CMKLR2: variants seen among roughly 807,000 people sequenced by gnomAD.
The protein encoded by CMKLR2 is chemerin-like receptor 2.
In CMKLR2, 18 loss-of-function variants were observed where a neutral mutation model predicts 23.0. The ratio of observed to expected loss-of-function variants is 0.78; its 90% CI spans 0.54 to 1.16. The LOEUF (loss-of-function observed/expected upper bound fraction) is 1.16. Ranked by LOEUF, CMKLR2 falls within the 50% of genes most tolerant of loss-of-function variation. The pLI is 0.00. For synonymous variants in CMKLR2, 158 were observed against 158.9 expected (o/e 0.99, Z 0.05); for missense variants, 401 against 412.7 (o/e 0.97, Z 0.25).
chr2:206,215,027 TTTTG>T, upstream of CMKLR2, among the ~76,000 whole-genome samples: 1 of 152,174 alleles, frequency 6.6e-6, no homozygotes, highest in South Asian at 2.1e-4. Flanking sequence ...AAGCACAGGA[TTTTG>T]TTTTTTTCCG....
upstream of CMKLR2, among the ~76,000 whole-genome samples, chr2:206,215,587 CAT>C (rs1234515300): frequency 2.0e-5 from 3 of 152,176 alleles, no homozygotes; most frequent in African/African-American, 7.2e-5. Flanking sequence ...ACAATTAAAA[CAT>C]ATGCTTGCTT....
chr2:206,176,313 T>A lies in CMKLR2; in HGVS notation c.935A>T (p.Gln312Leu). 5 of 1,614,144 alleles carry A rather than the reference T, an allele frequency of 3.1e-6. No homozygotes were observed. The highest frequency in any genetic ancestry group is 4.2e-6 in the Non-Finnish European group (5 of 1,180,014). The part of the protein sequence containing the change: ...ILYVLISKKF[Q>L]ARFRSSVAEI... ...AGCAACTGAGGACCGGAAGCGAGCT[T>A]GGAACTTCTTACTAATTAGGACATA... is the stretch of plus-strand genomic sequence containing the variant. The change falls in exon 2 of 2, where the codon CAA (glutamine) becomes CTA (leucine). Residue 312 changes from glutamine (Q) to leucine (L), a missense_variant. By Grantham distance (113) the Gln-to-Leu change is moderately radical. Transcript: ENST00000621141.
Position 206,184,137 on chromosome 2 carries a change from G to T in CMKLR2, c.-28-6862C>A, listed in dbSNP as rs13401393. On this transcript the variant is annotated intron_variant, in intron 1 of 1. Coordinates refer to ENST00000621141, the MANE Select transcript of CMKLR2 (RefSeq NM_001389445.1). The stretch of plus-strand genomic sequence containing the variant: ...CTTCCTTGGCTTGTACATGTGTTAC[G>T]CTGATCTCTGCCTACATCTTCACAT... Among the ~76,000 whole-genome samples, 945 of 152,162 alleles carry T rather than the reference G, an allele frequency of 6.2e-3. 9 individuals are homozygous for T. The highest frequency in any genetic ancestry group is 0.022 in the African/African-American group (912 of 41,514).
intron 1 of CMKLR2, among the ~76,000 whole-genome samples, chr2:206,210,272 G>A (rs1162992038): frequency 6.6e-6 from 1 of 152,038 alleles, no homozygotes; most frequent in Non-Finnish European, 1.5e-5. Flanking sequence ...TCCTGTATTA[G>A]TCTGCTGAGG....
chr2:206,195,849 G>A (rs1357619959), intron 1 of CMKLR2, among the ~76,000 whole-genome samples: 1 of 152,142 alleles, frequency 6.6e-6, no homozygotes, highest in African/African-American at 2.4e-5. Context: ...AGCTACTCGG[G>A]AGGCTGAGGC....
intron 1 of CMKLR2, among the ~76,000 whole-genome samples, chr2:206,187,967 G>C (rs963548058): frequency 6.6e-6 from 1 of 151,984 alleles, no homozygotes. Context: ...GCGCAATCTT[G>C]GGTCACTGCA....
At chr2:206,183,101 C>A (rs867753701) in intron 1 of CMKLR2, among the ~76,000 whole-genome samples, 7 of 152,152 alleles carry the variant, frequency 4.6e-5, no homozygotes, top group Non-Finnish European at 2.9e-5. Flanking sequence ...GTGTCAGATC[C>A]TTCCCAGCTT....
rs575213579 is a variant in CMKLR2, at chr2:206,195,283, G to C, written c.-28-18008C>G. On this transcript the variant is annotated intron_variant, in intron 1 of 1. Coordinates refer to ENST00000621141, the MANE Select transcript of CMKLR2 (RefSeq NM_001389445.1). Reference sequence around the variant, plus strand: ...GAATGCTTAAGGAACCAGTGAGAAAGGAGGACTTAAGGAGTTTCATGACTA... The same window carrying C: ...GAATGCTTAAGGAACCAGTGAGAAACGAGGACTTAAGGAGTTTCATGACTA... 2.0e-5 allele frequency among the ~76,000 whole-genome samples: 3 copies of C among 152,298 alleles called. No homozygotes were observed. The East Asian group carries it at 5.8e-4, about 29-fold the overall frequency.
chr2:206,177,311 TA>T (rs1688265744), intron 1 of CMKLR2, 36 bp from the exon 2 acceptor site: 33 of 1,032,600 alleles, frequency 3.2e-5, no homozygotes, highest in Non-Finnish European at 4.4e-5. Context: ...GAAAAAATTT[TA>T]AAAGAAAAAT....
intron 1 of CMKLR2, among the ~76,000 whole-genome samples, chr2:206,206,385 T>C (rs1689317302): frequency 6.6e-6 from 1 of 152,234 alleles, no homozygotes; most frequent in Non-Finnish European, 1.5e-5. Context: ...AGCTGGGTGA[T>C]AGAACAAATA....
At chr2:206,202,018 C>T (rs1289030867) in intron 1 of CMKLR2, among the ~76,000 whole-genome samples, 2 of 152,034 alleles carry the variant, frequency 1.3e-5, no homozygotes, top group African/African-American at 4.8e-5. Flanking sequence ...GGCAGAATTT[C>T]CTAAAGATTA....
At chr2:206,212,095 A>G (rs748743989) in intron 1 of CMKLR2, among the ~76,000 whole-genome samples, 3 of 152,218 alleles carry the variant, frequency 2.0e-5, no homozygotes, top group Non-Finnish European at 2.9e-5. Context: ...AGAGTAACAC[A>G]TCTATTATCA....
At chr2:206,216,223 G>T (rs1024866189), upstream of CMKLR2, among the ~76,000 whole-genome samples, 1 of 152,202 alleles carries the variant, frequency 6.6e-6, no homozygotes, top group African/African-American at 2.4e-5. Flanking sequence ...GGAGGTGGAG[G>T]TGGGTGGATC....
intron 1 of CMKLR2, among the ~76,000 whole-genome samples, chr2:206,202,861 C>T (rs866148853): frequency 2.0e-5 from 3 of 152,214 alleles, no homozygotes; most frequent in Middle Eastern, 3.4e-3. Context: ...TGTCACCCCT[C>T]CATCCACTGT....
At chr2:206,184,474 T>G (rs1200127747) in intron 1 of CMKLR2, among the ~76,000 whole-genome samples, 1 of 152,124 alleles carries the variant, frequency 6.6e-6, no homozygotes, top group Non-Finnish European at 1.5e-5. Context: ...TTTTTTTATT[T>G]TTAGTAAAGA....
chr2:206,179,451 A>G (rs1410664585), intron 1 of CMKLR2, among the ~76,000 whole-genome samples: 1 of 122,150 alleles, frequency 8.2e-6, no homozygotes, highest in Non-Finnish European at 1.6e-5. Flanking sequence ...ATCTCGGCTC[A>G]TTGCAACCTC....
chr2:206,192,927 T>G (rs1179337661), intron 1 of CMKLR2, among the ~76,000 whole-genome samples: 1 of 152,180 alleles, frequency 6.6e-6, no homozygotes, highest in Non-Finnish European at 1.5e-5. Context: ...TAAATCCTCT[T>G]TAGAGTAGTT....
In CMKLR2 at chr2:206,207,308, T is replaced by C. The variant is rs149907514; in HGVS notation, c.-29+5999A>G. On this transcript the variant is annotated intron_variant, in intron 1 of 1. Transcript: ENST00000621141. ...AGCATGTGCCACCCCACTTGGCTAATTTTGTATTTTTAGTAGAGACAGGGT... is the reference window on the plus strand; with the variant it reads ...AGCATGTGCCACCCCACTTGGCTAACTTTGTATTTTTAGTAGAGACAGGGT... Among the ~76,000 whole-genome samples the C allele has an allele frequency of 1.3e-3, 192 of 152,086 alleles. 1 individual carries two copies. Among genetic ancestry groups the C allele is most frequent in the African/African-American group, 4.5e-3 (186 of 41,478 alleles).
chr2:206,193,190 C>A (rs1198569432), intron 1 of CMKLR2, among the ~76,000 whole-genome samples: 2 of 152,168 alleles, frequency 1.3e-5, no homozygotes, highest in Non-Finnish European at 2.9e-5. Flanking sequence ...CCTCCACCTC[C>A]TGGGTTCAAG....
Sources: allele counts gnomAD v4.1 joint callset (sites outside exome capture counted in the v4.1 genomes callset), GRCh38; gene constraint gnomAD v4.1.1; transcripts MANE v1.5; gene names NCBI Gene and HGNC (gene_info 2026-07-23, HGNC 2026-07-21).